The following DNAH12 variants were observed in gnomAD, a reference collection of about 807,000 sequenced individuals.
The protein encoded by DNAH12 is axonemal beta dynein heavy chain 12.
DNAH12 carries 285 observed loss-of-function variants against 371.5 expected under a neutral mutation model. The observed-to-expected ratio is 0.77, with a 90% CI of 0.70 to 0.85. The LOEUF (loss-of-function observed/expected upper bound fraction) is 0.85, where lower values mean the gene tolerates loss of function less well. DNAH12 is among the 40% of genes least tolerant of loss of function. DNAH12 has a pLI of 0.00. For missense variants in DNAH12, 3,611 were observed against 3,689.4 expected (o/e 0.98, Z 0.55); for synonymous variants, 1,200 against 1,213.0 (o/e 0.99, Z 0.22).
chr3:57,498,408 C>T, intron 11 of DNAH12: 1 of 695,466 alleles, frequency 1.4e-6, no homozygotes, highest in Admixed American at 2.1e-5. Flanking sequence ...ACTCGAACTC[C>T]TAGGCTCCAG....
chr3:57,479,593 T>A (rs1319716297), intron 13 of DNAH12, among the ~76,000 whole-genome samples: 1 of 152,126 alleles, frequency 6.6e-6, no homozygotes, highest in African/African-American at 2.4e-5. Context: ...TACAGAACTC[T>A]CCACCCCAAA....
intron 4 of DNAH12, among the ~76,000 whole-genome samples, chr3:57,515,986 G>A (rs1295907497): frequency 1.5e-5 from 2 of 133,622 alleles, no homozygotes; most frequent in African/African-American, 5.5e-5. Context: ...TTTTCAATTA[G>A]TTGCTCACTC....
At chr3:57,352,045 T>C in intron 60 of DNAH12, 40 bp downstream of exon 60, 1 of 1,477,252 alleles carries the variant, frequency 6.8e-7, no homozygotes, top group Non-Finnish European at 8.9e-7. Flanking sequence ...CCAGGGAGGT[T>C]TTAAAAATAA....
chr3:57,541,532 AT>A lies in DNAH12; in HGVS notation c.170+1168del, dbSNP rs1418705624. Reference sequence around the variant, plus strand: ...AGGCATGCCCCACCACACCTGGCTAATTTTTTTTTTTTTATAGCGATGAGGG... The same window carrying A: ...AGGCATGCCCCACCACACCTGGCTAATTTTTTTTTTTTATAGCGATGAGGG... On this transcript the variant is annotated intron_variant, in intron 2 of 73. Coordinates refer to ENST00000495027, the MANE Select transcript of DNAH12 (RefSeq NM_001366028.2). Among the ~76,000 whole-genome samples, 403 of 143,406 alleles carry A rather than the reference AT, an allele frequency of 2.8e-3. 2 individuals are homozygous for A. The highest frequency in any genetic ancestry group is 0.015 in the East Asian group (75 of 4,942). The allele number at this position is 143,406 out of a possible 152,430, so 94.1% of individuals were successfully genotyped here.
chr3:57,510,449 G>C (rs942401417), intron 5 of DNAH12, among the ~76,000 whole-genome samples: 1 of 151,990 alleles, frequency 6.6e-6, no homozygotes, highest in Non-Finnish European at 1.5e-5. Flanking sequence ...GACCAGCTTG[G>C]TCAACATGGT....
rs1316124802 is a variant in DNAH12, at chr3:57,507,783, T to C, written c.757A>G (p.Arg253Gly). Residue 253 changes from arginine to glycine, a missense_variant, in exon 8 of 74, where the codon AGA becomes GGA. By Grantham distance (125) the Arg-to-Gly change is moderately radical. Coordinates refer to ENST00000495027, the MANE Select transcript of DNAH12 (RefSeq NM_001366028.2). ...SLKTDLSIQT[R>G]NAEEKIMNTW... is the part of the protein sequence containing the mutation. ...TTCATTATCTTCTCTTCTGCGTTTC[T>C]AGTTTGTATTGATAGATCAGTTTTC... is the stretch of plus-strand genomic sequence containing the variant. 1.4e-5 allele frequency: 23 copies of C among 1,606,460 alleles called. No homozygotes were observed. Among genetic ancestry groups the C allele is most frequent in the Non-Finnish European group, 2.0e-5 (23 of 1,178,796 alleles).
Position 57,472,672 on chromosome 3 carries a change from C to T in DNAH12, c.1651-1G>A. On this transcript the variant is annotated splice_acceptor_variant, in intron 13 of 73. Transcript: ENST00000495027. LOFTEE classifies it high-confidence loss of function. ...AGTAACTCATTTGGCGTTTAGATTC[C>T]TACAAAAGAAACTCTGGATATAATA... 6.5e-7 allele frequency: 1 copy of T among 1,548,018 alleles called. No homozygotes were observed. The highest frequency in any genetic ancestry group is 8.7e-7 in the Non-Finnish European group (1 of 1,145,786).
At chr3:57,420,953 G>C (rs1575578730) in intron 36 of DNAH12, among the ~76,000 whole-genome samples, 1 of 146,724 alleles carries the variant, frequency 6.8e-6, no homozygotes, top group Non-Finnish European at 1.5e-5. Flanking sequence ...GAATATGCTT[G>C]TGTTACCACC....
At chr3:57,409,411 A>G (rs955547924) in intron 39 of DNAH12, among the ~76,000 whole-genome samples, 2 of 152,312 alleles carry the variant, frequency 1.3e-5, no homozygotes, top group Non-Finnish European at 1.5e-5. Context: ...ACATCCACAT[A>G]ATATTAAAGC....
In DNAH12 at chr3:57,523,519, GA is replaced by G. The variant is rs1237728864; in HGVS notation, c.279+63del. 3.1e-5 allele frequency: 43 copies of G among 1,400,486 alleles called. No individual in the cohort carries two copies. In the South Asian group the frequency reaches 5.7e-4, roughly 18 times the overall value. The allele number at this position is 1,400,486 out of a possible 1,614,324, so 86.8% of individuals were successfully genotyped here. ...TGGGACTTAGCAGGTGGTCTTAGAT[GA>G]AACTACTTTGCAATAATTTCTTTGA... On this transcript the variant is annotated intron_variant, in intron 4 of 73. Transcript: ENST00000495027.
chr3:57,313,593 C>A (rs933289955), intron 66 of DNAH12, among the ~76,000 whole-genome samples: 1 of 152,186 alleles, frequency 6.6e-6, no homozygotes, highest in Non-Finnish European at 1.5e-5. Context: ...GCACAGCTTG[C>A]AGTAAGCAGA....
rs921318441 is a variant in DNAH12, at chr3:57,334,346, G to C, written c.9978+119C>G. 5 of 1,117,560 alleles carry C rather than the reference G, an allele frequency of 4.5e-6. No homozygotes were observed. The African/African-American group carries it at 6.4e-5, about 14-fold the overall frequency. 69.2% of individuals were successfully genotyped at this position (1,117,560 alleles called of 1,614,324 possible). On this transcript the variant is annotated intron_variant, in intron 62 of 73. Coordinates refer to ENST00000495027, the MANE Select transcript of DNAH12 (RefSeq NM_001366028.2). ...CAGATCTAAATCCAAAGAGCTCAATGAACTGTAAGCTGGATAATCAATCTG... is the reference window on the plus strand; with the variant it reads ...CAGATCTAAATCCAAAGAGCTCAATCAACTGTAAGCTGGATAATCAATCTG...
chr3:57,455,236 T>C (rs1025370156), intron 22 of DNAH12, among the ~76,000 whole-genome samples: 4 of 151,336 alleles, frequency 2.6e-5, no homozygotes, highest in East Asian at 3.9e-4. Flanking sequence ...ATTACTTCTA[T>C]CATAATAAAA....
intron 11 of DNAH12, among the ~76,000 whole-genome samples, chr3:57,491,081 CA>C (rs553885449): frequency 8.8e-4 from 62 of 70,392 alleles, no homozygotes; most frequent in East Asian, 2.6e-3. Flanking sequence ...GACTCTATCT[CA>C]AAAAAAAAAA....
chr3:57,444,481 G>A (rs1372654453), intron 29 of DNAH12, among the ~76,000 whole-genome samples: 4 of 152,038 alleles, frequency 2.6e-5, no homozygotes, highest in Admixed American at 6.5e-5. Flanking sequence ...GTGAAACACC[G>A]TGCCTGGCCT....
chr3:57,500,766 C>CT (rs1002482729), intron 11 of DNAH12, among the ~76,000 whole-genome samples: 1 of 151,694 alleles, frequency 6.6e-6, no homozygotes, highest in African/African-American at 2.4e-5. Flanking sequence ...GTGCTTATGC[C>CT]TTTTTTTTAA....
At chr3:57,335,082 T>A in intron 60 of DNAH12, 142 bp from the exon 61 acceptor site, 2 of 883,690 alleles carry the variant, frequency 2.3e-6, no homozygotes, top group African/African-American at 1.7e-5. Context: ...TGGACAAAAT[T>A]AATGAAACAA....
intron 55 of DNAH12, among the ~76,000 whole-genome samples, chr3:57,371,941 C>CAAAAAAAAAA (rs1169602185): frequency 0.011 from 276 of 25,812 alleles, 17 homozygotes; most frequent in African/African-American, 0.055. Flanking sequence ...CTAAACTCAG[C>CAAAAAAAAAA]AAAAAAAAAA....
chr3:57,419,053 T>A (rs916283980), intron 37 of DNAH12, among the ~76,000 whole-genome samples: 1 of 152,226 alleles, frequency 6.6e-6, no homozygotes, highest in South Asian at 2.1e-4. Flanking sequence ...AGGAGTACGC[T>A]GAATCTTTAA....
Sources: allele counts gnomAD v4.1 joint callset (sites outside exome capture counted in the v4.1 genomes callset), GRCh38; gene constraint gnomAD v4.1.1; transcripts MANE v1.5; gene names NCBI Gene and HGNC (gene_info 2026-07-23, HGNC 2026-07-21).